Variants in EPHA8 observed in about 807,000 individuals in gnomAD.
The protein encoded by EPHA8 is EPH receptor A8.
A neutral mutation model predicts 103.6 loss-of-function variants in EPHA8; 58 were observed. The observed-to-expected ratio is 0.56, with a 90% CI of 0.45 to 0.70. The LOEUF is 0.70. EPHA8 is among the 30% of genes least tolerant of loss of function. The probability of loss-of-function intolerance (pLI) is 0.00; values close to 1 mark genes in which losing one functional copy is unlikely to be tolerated. For missense variants in EPHA8, 1,304 were observed against 1,395.2 expected, an observed-to-expected ratio of 0.93 and a Z score of 1.04; for synonymous variants, 559 against 572.5, an observed-to-expected ratio of 0.98 and a Z score of 0.34.
At chr1:22,578,152 G>GTGTGTGCATGAGTGTA (rs1172693070) in intron 3 of EPHA8, among the ~76,000 whole-genome samples, 1 of 87,358 alleles carries the variant, frequency 1.1e-5, no homozygotes, top group African/African-American at 4.2e-5. Flanking sequence ...GTATGTGTGC[G>GTGTGTGCATGAGTGTA]TGTGTGCATG....
chr1:22,579,298 C>G (rs1640966442), intron 3 of EPHA8, among the ~76,000 whole-genome samples: 1 of 149,374 alleles, frequency 6.7e-6, no homozygotes, highest in African/African-American at 2.5e-5. Flanking sequence ...TGTGTGCATG[C>G]ATGTGTACAT....
At position 22,572,565 on chromosome 1, in the gene EPHA8, A is replaced by G. The variant is rs115086160; in HGVS notation, c.159+3212A>G. Among the ~76,000 whole-genome samples the G allele has an allele frequency of 4.6e-3, 703 of 152,306 alleles. 2 individuals carry two copies. Among genetic ancestry groups the G allele is most frequent in the African/African-American group, 0.015 (643 of 41,560 alleles). ...TCTGGCTAATTAACATGGACTAACG[A>G]ATGCTGCTTTAGGTAAGTGGGCAGG... On this transcript the variant is annotated intron_variant, in intron 2 of 16. Coordinates refer to ENST00000166244, the MANE Select transcript of EPHA8 (RefSeq NM_020526.5).
At chr1:22,574,124 G>A (rs1021579888) in intron 2 of EPHA8, among the ~76,000 whole-genome samples, 4 of 152,262 alleles carry the variant, frequency 2.6e-5, no homozygotes, top group South Asian at 4.2e-4. Flanking sequence ...GACTACAGGC[G>A]CCCGCCACCA....
chr1:22,595,358 C>G (rs1249836566), intron 8 of EPHA8, 35 bp downstream of exon 8: 2 of 1,575,236 alleles, frequency 1.3e-6, no homozygotes, highest in Non-Finnish European at 1.7e-6. Flanking sequence ...CCAGCCCCTC[C>G]TCTCAAGCAC....
At chr1:22,584,462 T>G (rs1256757205) in intron 3 of EPHA8, among the ~76,000 whole-genome samples, 1 of 152,256 alleles carries the variant, frequency 6.6e-6, no homozygotes, top group East Asian at 1.9e-4. Flanking sequence ...TTCAGGGCGT[T>G]ACCATTTCTC....
chr1:22,591,127 C>T (rs991179198), intron 5 of EPHA8, among the ~76,000 whole-genome samples: 20 of 151,852 alleles, frequency 1.3e-4, no homozygotes, highest in Non-Finnish European at 1.9e-4. Context: ...TGGTGGCTCA[C>T]GCCTGTAATC....
At chr1:22,585,102 A>C (rs1641165815) in intron 3 of EPHA8, among the ~76,000 whole-genome samples, 1 of 151,542 alleles carries the variant, frequency 6.6e-6, no homozygotes, top group Non-Finnish European at 1.5e-5. Context: ...TTAATCTTAA[A>C]AGAGGAGCTC....
intron 9 of EPHA8, 39 bp downstream of exon 9, chr1:22,596,212 G>T (rs1323913324): frequency 6.3e-7 from 1 of 1,598,274 alleles, no homozygotes; most frequent in East Asian, 2.2e-5. Flanking sequence ...CAGAGGGAAG[G>T]CCACAGGGGG....
At chr1:22,568,025 A>C (rs978271237) in intron 1 of EPHA8, among the ~76,000 whole-genome samples, 6 of 152,322 alleles carry the variant, frequency 3.9e-5, no homozygotes, top group African/African-American at 1.4e-4. Flanking sequence ...CTGATTTCTA[A>C]ACAGCATAAT....
Position 22,576,433 on chromosome 1 carries a change from T to G in EPHA8, c.376T>G (p.Tyr126Asp), listed in dbSNP as rs1640698322. 6.2e-7 allele frequency: 1 copy of G among 1,613,980 alleles called. No homozygotes were observed. Among genetic ancestry groups the G allele is most frequent in the Non-Finnish European group, 8.5e-7 (1 of 1,180,032 alleles). ...GTCKETFNLYYLESDRDLGAS... is the reference protein window; with the variant it reads ...GTCKETFNLYDLESDRDLGAS... ...CTGCAAGGAGACCTTCAACCTCTAC[T>G]ACCTGGAGTCGGACCGCGACCTGGG... Residue 126 changes from tyrosine to aspartate, a missense_variant, in exon 3 of 17, where the codon TAC becomes GAC. Transcript: ENST00000166244. The surrounding 1 kb of genome is among the most constrained non-coding windows in gnomAD (Gnocchi z 4.8).
At position 22,598,330 on chromosome 1, in the gene EPHA8, G is replaced by A; in HGVS notation, c.2178+118G>A. The A allele has an allele frequency of 1.0e-6, 1 of 995,514 alleles. No homozygotes were observed. Among genetic ancestry groups the A allele is most frequent in the East Asian group, 2.4e-5 (1 of 41,058 alleles). 61.7% of individuals were successfully genotyped at this position (995,514 alleles called of 1,614,324 possible). Reference sequence around the variant, plus strand: ...CCTGGCTTGGACACCACAGGCCGGGGGACAGGAGGCAGGTATAGGGAGGAG... The same window carrying A: ...CCTGGCTTGGACACCACAGGCCGGGAGACAGGAGGCAGGTATAGGGAGGAG... On this transcript the variant is annotated intron_variant, in intron 12 of 16. Transcript: ENST00000166244. This position sits in a 1 kb window ranked among gnomAD's most constrained non-coding sequence, Gnocchi z 5.1.
intron 4 of EPHA8, 48 bp downstream of exon 4, chr1:22,586,683 C>T (rs776327630): frequency 5.0e-6 from 8 of 1,594,250 alleles, no homozygotes; most frequent in African/African-American, 4.0e-5. Context: ...AAGACTGGGC[C>T]GGGCCCCTGT....
At chr1:22,590,210 C>T (rs1641336986) in intron 5 of EPHA8, among the ~76,000 whole-genome samples, 1 of 152,064 alleles carries the variant, frequency 6.6e-6, no homozygotes, top group Non-Finnish European at 1.5e-5. Flanking sequence ...GTGGTAGAGC[C>T]CAGCCCTGGC....
At chr1:22,601,190 A>G (rs1267986379) in intron 15 of EPHA8, 102 bp downstream of exon 15, 18 of 1,527,480 alleles carry the variant, frequency 1.2e-5, no homozygotes, top group Non-Finnish European at 1.5e-5. Context: ...GACCAGGCCC[A>G]GCCTGGGCCC....
chr1:22,601,340 C>G lies in EPHA8; in HGVS notation c.2770C>G (p.Arg924Gly). Residue 924 changes from arginine (R) to glycine (G), a missense_variant, in exon 16 of 17, where the codon CGA becomes GGA. Transcript: ENST00000166244. The stretch of plus-strand genomic sequence containing the variant: ...CTTCGTCCGGAGCTGCTTTGACCTC[C>G]GAGGGGGCAGCGGTGGCGGTGGGGG... ...PAFVRSCFDLRGGSGGGGGLT... is the reference protein window; with the variant it reads ...PAFVRSCFDLGGGSGGGGGLT... 6.2e-7 allele frequency: 1 copy of G among 1,607,680 alleles called. No individual in the cohort carries two copies. Among genetic ancestry groups the G allele is most frequent in the Non-Finnish European group, 8.5e-7 (1 of 1,178,372 alleles).
chr1:22,578,569 G>T (rs371350483), intron 3 of EPHA8, among the ~76,000 whole-genome samples: 7 of 149,218 alleles, frequency 4.7e-5, no homozygotes, highest in African/African-American at 1.7e-4. Flanking sequence ...ATTTGTTAGT[G>T]TCTGCATGTG....
At chr1:22,575,357 TC>T (rs1640654765) in intron 2 of EPHA8, among the ~76,000 whole-genome samples, 1 of 152,244 alleles carries the variant, frequency 6.6e-6, no homozygotes, top group African/African-American at 2.4e-5. Flanking sequence ...GAGCATCTTT[TC>T]ATGCACCATT....
chr1:22,578,653 G>T (rs1198127310), intron 3 of EPHA8, among the ~76,000 whole-genome samples: 1 of 146,704 alleles, frequency 6.8e-6, no homozygotes, highest in African/African-American at 2.6e-5. Context: ...GTATGTGTGT[G>T]CATGTGAGTG....
chr1:22,568,862 G>A (rs12062349), intron 1 of EPHA8, among the ~76,000 whole-genome samples: 17 of 152,220 alleles, frequency 1.1e-4, no homozygotes, highest in Admixed American at 4.6e-4. Context: ...CTGTGGGACC[G>A]GAATTGTTAT....
Sources: allele counts gnomAD v4.1 joint callset (sites outside exome capture counted in the v4.1 genomes callset), GRCh38; gene constraint gnomAD v4.1.1; non-coding constraint Gnocchi (gnomAD v3.1); transcripts MANE v1.5; gene names NCBI Gene and HGNC (gene_info 2026-07-23, HGNC 2026-07-21).